Variants in RBBP8NL observed in about 807,000 individuals in gnomAD.
The protein encoded by RBBP8NL is RBBP8 N-terminal-like protein.
A neutral mutation model predicts 62.2 loss-of-function variants in RBBP8NL; 59 were observed. The ratio of observed to expected loss-of-function variants is 0.95; its 90% CI spans 0.77 to 1.18. RBBP8NL has a LOEUF of 1.18. RBBP8NL is among the 50% of genes most tolerant of loss of function. The pLI is 0.00. For synonymous variants in RBBP8NL, 412 were observed against 394.1 expected (o/e 1.05, Z -0.54); for missense variants, 896 against 899.5 (o/e 1.00, Z 0.05).
chr20:62,420,174 G>A (rs548120540), intron 1 of RBBP8NL, among the ~76,000 whole-genome samples: 1 of 152,240 alleles, frequency 6.6e-6, no homozygotes, highest in East Asian at 1.9e-4. Flanking sequence ...TGTGAAGCTG[G>A]GAGTCAGACC....
intron 4 of RBBP8NL, among the ~76,000 whole-genome samples, 167 bp downstream of exon 4, chr20:62,417,057 G>A (rs777330011): frequency 2.0e-5 from 3 of 152,144 alleles, no homozygotes; most frequent in Non-Finnish European, 4.4e-5. Flanking sequence ...GAGAAATCTT[G>A]AAAATGCAAT....
Position 62,416,040 on chromosome 20 carries a change from C to T in RBBP8NL, c.387-95G>A, listed in dbSNP as rs866312040. The T allele has an allele frequency of 8.8e-5, 128 of 1,458,782 alleles. No individual in the cohort carries two copies. In the African/African-American group the frequency reaches 1.1e-3, roughly 12 times the overall value. The allele number at this position is 1,458,782 out of a possible 1,614,324, so 90.4% of individuals were successfully genotyped here. A position where few individuals can be genotyped will look rare whatever the true frequency, so the allele number is the denominator to read the frequency against. On this transcript the variant is annotated intron_variant, in intron 6 of 13. Transcript: ENST00000252998. The stretch of plus-strand genomic sequence containing the variant: ...CCCACTCCTGGGTGACCCCAGGTGA[C>T]GCAGCTGTCCCGACACTGCCTGAGA...
chr20:62,413,598 C>A, intron 10 of RBBP8NL, 53 bp from the exon 11 acceptor site: 1 of 1,492,994 alleles, frequency 6.7e-7, no homozygotes, highest in South Asian at 1.4e-5. Flanking sequence ...TTCCTTGCCG[C>A]CAACTCAGCC....
intron 13 of RBBP8NL, among the ~76,000 whole-genome samples, chr20:62,411,715 T>G (rs1715741541): frequency 6.6e-6 from 1 of 152,266 alleles, no homozygotes; most frequent in African/African-American, 2.4e-5. Flanking sequence ...CAGGAGCCCC[T>G]GCCAGCGTCC....
Position 62,410,675 on chromosome 20 carries a change from G to A in RBBP8NL, c.*203C>T. On this transcript the variant is annotated 3_prime_UTR_variant, in exon 14 of 14. Coordinates refer to ENST00000252998, the MANE Select transcript of RBBP8NL (RefSeq NM_080833.3). ...ACCGGCTCTTCGGGGTTGCCTGCTG[G>A]TTGGGTGGTGTGCCCTCTCCAGGCT... The A allele has an allele frequency of 1.7e-6, 1 of 586,728 alleles. No individual in the cohort carries two copies. The highest frequency in any genetic ancestry group is 3.0e-6 in the Non-Finnish European group (1 of 333,176). 36.3% of individuals were successfully genotyped at this position (586,728 alleles called of 1,614,324 possible).
rs1988413463 is a variant in RBBP8NL at position 62,410,685 on chromosome 20, G to A, written c.*193C>T. On this transcript the variant is annotated 3_prime_UTR_variant, in exon 14 of 14. Coordinates refer to ENST00000252998, the MANE Select transcript of RBBP8NL (RefSeq NM_080833.3). ...CGGGGTTGCCTGCTGGTTGGGTGGT[G>A]TGCCCTCTCCAGGCTGTGGTGAGCA... 9 of 601,930 alleles carry A rather than the reference G, an allele frequency of 1.5e-5. No homozygotes were observed. The South Asian group carries it at 1.7e-4, about 11-fold the overall frequency. The allele number at this position is 601,930 out of a possible 1,614,324, so 37.3% of individuals were successfully genotyped here.
chr20:62,415,383 C>T (rs1988539119), intron 8 of RBBP8NL, 96 bp from the exon 9 acceptor site: 2 of 1,437,672 alleles, frequency 1.4e-6, no homozygotes, highest in African/African-American at 2.8e-5. Flanking sequence ...GCTGCTCCCA[C>T]TCTGCCCCTG....
intron 11 of RBBP8NL, 146 bp downstream of exon 11, chr20:62,413,255 C>G: frequency 9.2e-7 from 1 of 1,081,658 alleles, no homozygotes; most frequent in Non-Finnish European, 1.3e-6. Flanking sequence ...AAGAGCCAAG[C>G]CCTGGAGCCT....
chr20:62,418,330 A>G lies in RBBP8NL; in HGVS notation c.104+93T>C, dbSNP rs2146442099. 11 of 1,212,640 alleles carry G rather than the reference A, an allele frequency of 9.1e-6. No individual in the cohort carries two copies. In the South Asian group the frequency reaches 1.4e-4, roughly 16 times the overall value. The allele number at this position is 1,212,640 out of a possible 1,614,324, so 75.1% of individuals were successfully genotyped here. A position where few individuals can be genotyped will look rare whatever the true frequency, so the allele number is the denominator to read the frequency against. ...AGCCTCAGTTTCCCTTCTGCACCAT[A>G]GGACGGTGGTAGTGCTGGCACACTG... On this transcript the variant is annotated intron_variant, in intron 3 of 13. Coordinates refer to ENST00000252998, the MANE Select transcript of RBBP8NL (RefSeq NM_080833.3).
chr20:62,415,584 T>C lies in RBBP8NL; in HGVS notation c.621A>G (p.Pro207=). Residue 207 remains proline (P), a synonymous_variant, in exon 8 of 14, where the codon CCA becomes CCG. Coordinates refer to ENST00000252998, the MANE Select transcript of RBBP8NL (RefSeq NM_080833.3). The stretch of plus-strand genomic sequence containing the variant: ...TCCCGGTCCCTGCCCTTACCATGTC[T>C]GGGGCTCGCGACTCAGGCAGGGTGG... ...PGATLPESRA[P]DMSPQRISNQ... 1 of 1,612,772 alleles carries C rather than the reference T, an allele frequency of 6.2e-7. No individual in the cohort carries two copies. Among genetic ancestry groups the C allele is most frequent in the Non-Finnish European group, 8.5e-7 (1 of 1,179,880 alleles).
At chr20:62,417,725 A>G (rs78231276) in intron 3 of RBBP8NL, among the ~76,000 whole-genome samples, 2 of 67,638 alleles carry the variant, frequency 3.0e-5, no homozygotes, top group African/African-American at 6.6e-5. Context: ...ACGCCCCCCC[A>G]GTCATCTGCA....
intron 1 of RBBP8NL, among the ~76,000 whole-genome samples, chr20:62,423,196 C>T (rs138032254): frequency 3.9e-5 from 6 of 152,258 alleles, no homozygotes; most frequent in Non-Finnish European, 8.8e-5. Flanking sequence ...TGACAGCCCA[C>T]GGAATCTTGA....
intron 1 of RBBP8NL, among the ~76,000 whole-genome samples, chr20:62,423,650 G>A (rs1988752625): frequency 6.6e-6 from 1 of 152,220 alleles, no homozygotes; most frequent in South Asian, 2.1e-4. Context: ...ACGAGAGGTG[G>A]GCTTCCTTCC....
chr20:62,422,042 T>A (rs1353548122), intron 1 of RBBP8NL, among the ~76,000 whole-genome samples: 1 of 152,056 alleles, frequency 6.6e-6, no homozygotes, highest in African/African-American at 2.4e-5. Context: ...CCTCCCCCCA[T>A]CTCTTCCAGG....
At chr20:62,421,192 G>A (rs1349966065) in intron 1 of RBBP8NL, among the ~76,000 whole-genome samples, 2 of 152,232 alleles carry the variant, frequency 1.3e-5, no homozygotes, top group Admixed American at 6.5e-5. Context: ...TGTGCTTCAC[G>A]CGGTCGGGTG....
At chr20:62,424,008 C>A (rs1390478801) in intron 1 of RBBP8NL, among the ~76,000 whole-genome samples, 2 of 150,786 alleles carry the variant, frequency 1.3e-5, no homozygotes, top group African/African-American at 4.9e-5. Flanking sequence ...GAAGGAGGGT[C>A]TCCTCCAGGC....
At chr20:62,416,592 G>A (rs1055250590) in intron 5 of RBBP8NL, among the ~76,000 whole-genome samples, 168 bp downstream of exon 5, 3 of 152,204 alleles carry the variant, frequency 2.0e-5, no homozygotes, top group Admixed American at 1.3e-4. Context: ...CACCAGCGCC[G>A]GCTGGGGGCT....
At position 62,413,895 on chromosome 20, in the gene RBBP8NL, G is replaced by A. The variant is rs202197217; in HGVS notation, c.1456C>T (p.Arg486Cys). The change falls in exon 10 of 14, where the codon CGC becomes TGC. Residue 486 changes from arginine to cysteine, a missense_variant. Coordinates refer to ENST00000252998, the MANE Select transcript of RBBP8NL (RefSeq NM_080833.3). ...EPPTQSGPLT[R>C]SPQALSNGTK... Reference sequence around the variant, plus strand: ...CCATTGCTGAGTGCCTGGGGACTGCGAGTCAGGGGTCCGGACTGGGTGGGT... The same window carrying A: ...CCATTGCTGAGTGCCTGGGGACTGCAAGTCAGGGGTCCGGACTGGGTGGGT... 4.4e-6 allele frequency: 7 copies of A among 1,594,212 alleles called. No homozygotes were observed. The highest frequency in any genetic ancestry group is 1.7e-4 in the Middle Eastern group (1 of 5,822).
rs774671555 is a variant in RBBP8NL, at chr20:62,414,310, C to T, written c.1041G>A (p.Gln347=). The T allele has an allele frequency of 1.3e-6, 2 of 1,563,968 alleles. No individual in the cohort carries two copies. The highest frequency in any genetic ancestry group is 2.3e-5 in the South Asian group (2 of 85,686). Residue 347 remains glutamine (Q), a synonymous_variant, in exon 10 of 14, where the codon CAG becomes CAA. Transcript: ENST00000252998. ...GCAGTGCCCCCTCCAGGCGAAGGTC[C>T]TGCATGCCCGCCAGGGCACTGGGCA... The part of the protein sequence containing the change: ...LGLPSALAGM[Q]DLRLEGALHL...
Sources: allele counts gnomAD v4.1 joint callset (sites outside exome capture counted in the v4.1 genomes callset), GRCh38; gene constraint gnomAD v4.1.1; transcripts MANE v1.5; gene names NCBI Gene and HGNC (gene_info 2026-07-23, HGNC 2026-07-21).